Variants in ZFHX3 observed in about 807,000 individuals in gnomAD.
The protein encoded by ZFHX3 is zinc finger homeobox protein 3.
In ZFHX3, 42 loss-of-function variants were observed where a neutral mutation model predicts 279.1. The ratio of observed to expected loss-of-function variants is 0.15; its 90% confidence interval spans 0.12 to 0.19. ZFHX3 has a LOEUF of 0.19. Ranked by LOEUF, ZFHX3 falls within the 10% of genes least tolerant of loss-of-function variation. The pLI is 1.00. For synonymous variants in ZFHX3, 2,293 were observed against 1,957.8 expected, an observed-to-expected ratio of 1.17 and a Z score of -4.52; for missense variants, 4,981 against 4,754.0, an observed-to-expected ratio of 1.05 and a Z score of -1.40.
At chr16:73,335,265 A>G (rs1262438193) in intron 3 of ZFHX3, among the ~76,000 whole-genome samples, 1 of 152,186 alleles carries the variant, frequency 6.6e-6, no homozygotes, top group Non-Finnish European at 1.5e-5. Context: ...AAATGAAGAC[A>G]GGTTTATTTT....
intron 2 of ZFHX3, among the ~76,000 whole-genome samples, chr16:73,502,578 G>C (rs2019257330): frequency 6.6e-6 from 1 of 152,176 alleles, no homozygotes; most frequent in African/African-American, 2.4e-5. Context: ...TCTACCCAGG[G>C]ATTCCAAAGA....
At chr16:73,867,570 C>A (rs74030916) in intron 1 of ZFHX3, among the ~76,000 whole-genome samples, 1 of 152,228 alleles carries the variant, frequency 6.6e-6, no homozygotes, top group Non-Finnish European at 1.5e-5. Flanking sequence ...CTGACAATAA[C>A]AGGCTTACAG....
At chr16:73,493,140 A>G (rs2143649639) in intron 2 of ZFHX3, among the ~76,000 whole-genome samples, 1 of 152,014 alleles carries the variant, frequency 6.6e-6, no homozygotes, top group African/African-American at 2.4e-5. Context: ...CTCTGTTCTA[A>G]CTTTCAGTCT....
chr16:73,754,065 T>A (rs535860997), intron 1 of ZFHX3, among the ~76,000 whole-genome samples: 2 of 151,664 alleles, frequency 1.3e-5, no homozygotes, highest in African/African-American at 2.4e-5. Context: ...TTGTGTATTT[T>A]GTCTTTCCAT....
At chr16:73,643,461 T>A (rs1253050221) in intron 2 of ZFHX3, among the ~76,000 whole-genome samples, 1 of 152,236 alleles carries the variant, frequency 6.6e-6, no homozygotes, top group Non-Finnish European at 1.5e-5. Context: ...AAAATTATTT[T>A]ACCTACTGAT....
chr16:73,619,269 A>C (rs1463605689), intron 2 of ZFHX3, among the ~76,000 whole-genome samples: 1 of 151,790 alleles, frequency 6.6e-6, no homozygotes, highest in South Asian at 2.1e-4. Context: ...CAGGTGGATC[A>C]TGAGGTCAGG....
intron 2 of ZFHX3, among the ~76,000 whole-genome samples, chr16:72,952,941 T>C (rs1303237434): frequency 1.3e-5 from 2 of 152,222 alleles, no homozygotes; most frequent in Non-Finnish European, 2.9e-5. Flanking sequence ...CCAAGTGAAA[T>C]TTAAACTTGA....
chr16:72,832,827 T>C (rs1315117657), intron 4 of ZFHX3, among the ~76,000 whole-genome samples: 1 of 152,234 alleles, frequency 6.6e-6, no homozygotes. Context: ...GGAAATAATA[T>C]ATGTCTTCAA....
At chr16:73,157,531 C>A (rs539499016) in intron 5 of ZFHX3, among the ~76,000 whole-genome samples, 1 of 144,980 alleles carries the variant, frequency 6.9e-6, no homozygotes, top group East Asian at 2.1e-4. Context: ...ATAATTATGC[C>A]ATTTTTCAGC....
chr16:73,715,171 C>A (rs936640059), intron 1 of ZFHX3, among the ~76,000 whole-genome samples: 1 of 152,146 alleles, frequency 6.6e-6, no homozygotes, highest in Non-Finnish European at 1.5e-5. Context: ...GGCATCCCTG[C>A]AGTTTCATTT....
At chr16:73,082,576 T>G (rs1161587060) in intron 8 of ZFHX3, among the ~76,000 whole-genome samples, 2 of 152,096 alleles carry the variant, frequency 1.3e-5, no homozygotes, top group African/African-American at 4.8e-5. Context: ...GCCAAATGAA[T>G]GAATTTTACA....
Position 72,960,019 on chromosome 16 carries a change from T to C in ZFHX3, c.127A>G (p.Thr43Ala). Reference protein sequence around the residue: ...PDKPSSMEQSTGESHGPLDSL... With the variant: ...PDKPSSMEQSAGESHGPLDSL... ...TCCAAGGGCCCGTGGCTCTCGCCTGTGGACTGCTCCATGCTACTGGGTTTG... is the reference window on the plus strand; with the variant it reads ...TCCAAGGGCCCGTGGCTCTCGCCTGCGGACTGCTCCATGCTACTGGGTTTG... The change falls in exon 2 of 10, where the codon ACA becomes GCA. Residue 43 changes from threonine to alanine, a missense_variant. Coordinates refer to ENST00000268489, the MANE Select transcript of ZFHX3 (RefSeq NM_006885.4). The C allele has an allele frequency of 6.2e-7, 1 of 1,613,986 alleles. No individual in the cohort carries two copies. Among genetic ancestry groups the C allele is most frequent in the Non-Finnish European group, 8.5e-7 (1 of 1,179,904 alleles).
chr16:72,839,589 A>C (rs1179047382), intron 4 of ZFHX3, among the ~76,000 whole-genome samples: 2 of 152,152 alleles, frequency 1.3e-5, no homozygotes, highest in African/African-American at 4.8e-5. Context: ...GAGAGAGAGG[A>C]AACAGTAATG....
At chr16:73,858,807 G>C (rs766155895) in intron 1 of ZFHX3, among the ~76,000 whole-genome samples, 1 of 152,136 alleles carries the variant, frequency 6.6e-6, no homozygotes, top group Non-Finnish European at 1.5e-5. Context: ...GGGATTCTTA[G>C]CACCAAAATA....
At chr16:72,857,523 A>G (rs1248423298) in intron 4 of ZFHX3, among the ~76,000 whole-genome samples, 1 of 152,214 alleles carries the variant, frequency 6.6e-6, no homozygotes, top group Non-Finnish European at 1.5e-5. Flanking sequence ...CATCTCTACA[A>G]AAAATAAAAG....
intron 3 of ZFHX3, among the ~76,000 whole-genome samples, chr16:72,915,050 T>C (rs959039966): frequency 7.2e-5 from 11 of 152,078 alleles, no homozygotes; most frequent in Admixed American, 1.3e-4. Context: ...GCCTACGTTA[T>C]TCAAAATTCA....
At chr16:73,619,981 G>C (rs2052342211) in intron 2 of ZFHX3, among the ~76,000 whole-genome samples, 1 of 152,142 alleles carries the variant, frequency 6.6e-6, no homozygotes, top group Non-Finnish European at 1.5e-5. Context: ...AAGAGTGGGG[G>C]CTCTCACTAT....
chr16:73,459,538 A>G (rs1834012), intron 2 of ZFHX3, among the ~76,000 whole-genome samples: 22 of 151,836 alleles, frequency 1.4e-4, no homozygotes, highest in Non-Finnish European at 2.8e-4. Context: ...ATTTTTGTAA[A>G]TTTTTTTTAA....
chr16:73,294,783 G>C (rs1016697160), intron 4 of ZFHX3, among the ~76,000 whole-genome samples: 1 of 149,594 alleles, frequency 6.7e-6, no homozygotes, highest in African/African-American at 2.5e-5. Context: ...CTGCACTCCG[G>C]CCTGGGCAAC....
Sources: allele counts gnomAD v4.1 joint callset (sites outside exome capture counted in the v4.1 genomes callset), GRCh38; gene constraint gnomAD v4.1.1; transcripts MANE v1.5; gene names NCBI Gene and HGNC (gene_info 2026-07-23, HGNC 2026-07-21).